The following NTRK3 variants were observed in gnomAD, a reference collection of about 807,000 sequenced individuals.
The protein encoded by NTRK3 is neurotrophic receptor tyrosine kinase 3.
In NTRK3, 24 loss-of-function variants were observed where a neutral mutation model predicts 91.7. That is an observed-to-expected ratio of 0.26 (90% CI 0.19 to 0.37). The LOEUF (loss-of-function observed/expected upper bound fraction) is 0.37, where lower values mean the gene tolerates loss of function less well. NTRK3 is among the 10% of genes least tolerant of loss of function. NTRK3 has a pLI of 1.00. For synonymous variants in NTRK3, 483 were observed against 404.0 expected (o/e 1.20, Z -2.34); for missense variants, 880 against 1,068.9 (o/e 0.82, Z 2.46).
At chr15:87,921,706 G>A (rs1377120133) in intron 17 of NTRK3, among the ~76,000 whole-genome samples, 1 of 152,026 alleles carries the variant, frequency 6.6e-6, no homozygotes. Flanking sequence ...TGATTTTGGG[G>A]ACTGCGCATG....
intron 5 of NTRK3, among the ~76,000 whole-genome samples, chr15:88,165,670 T>A (rs2044864929): frequency 6.6e-6 from 1 of 152,174 alleles, no homozygotes; most frequent in Non-Finnish European, 1.5e-5. Context: ...CCAACAACAT[T>A]TTATGGTCTG....
At chr15:88,110,932 G>A (rs924983565) in intron 13 of NTRK3, among the ~76,000 whole-genome samples, 32 of 152,206 alleles carry the variant, frequency 2.1e-4, no homozygotes, top group African/African-American at 7.7e-4. Flanking sequence ...CAGATGGAAT[G>A]GTGGGGTGGC....
intron 3 of NTRK3, among the ~76,000 whole-genome samples, chr15:88,201,998 G>C (rs755564707): frequency 1.3e-5 from 2 of 150,056 alleles, no homozygotes; most frequent in Non-Finnish European, 2.9e-5. Flanking sequence ...CTTCCAACAG[G>C]TCTGGATTCC....
In NTRK3 at chr15:88,240,208, G is replaced by A. The variant is rs946487244; in HGVS notation, c.248+15698C>T. ...CTTTCCCATCCCGTCCCCAGCCACC[G>A]CCATAGAAACATCACAAGTCAGAGC... On this transcript the variant is annotated intron_variant, in intron 3 of 18. Coordinates refer to ENST00000394480, the Ensembl canonical transcript of NTRK3. The surrounding 1 kb of genome is among the most constrained non-coding windows in gnomAD (Gnocchi z 4.9). 2.8e-5 allele frequency among the ~76,000 whole-genome samples: 4 copies of A among 143,756 alleles called. No homozygotes were observed. The highest frequency in any genetic ancestry group is 1.0e-4 in the African/African-American group (4 of 38,112). 94.3% of individuals were successfully genotyped at this position (143,756 alleles called of 152,430 possible). A position where few individuals can be genotyped will look rare whatever the true frequency, so the allele number is the denominator to read the frequency against.
intron 14 of NTRK3, among the ~76,000 whole-genome samples, chr15:88,027,543 C>T (rs868547736): frequency 1.3e-5 from 2 of 152,084 alleles, no homozygotes; most frequent in Non-Finnish European, 2.9e-5. Flanking sequence ...CCACCATGCC[C>T]GGCTAATTTT....
chr15:88,139,736 A>C (rs2042204262), intron 6 of NTRK3, among the ~76,000 whole-genome samples: 1 of 152,132 alleles, frequency 6.6e-6, no homozygotes, highest in Non-Finnish European at 1.5e-5. Flanking sequence ...CACATGTGCA[A>C]GGTCTTTGGC....
intron 14 of NTRK3, among the ~76,000 whole-genome samples, chr15:87,942,527 T>C (rs1361787760): frequency 1.9e-4 from 29 of 152,056 alleles, no homozygotes; most frequent in Admixed American, 1.7e-3. Flanking sequence ...GGATGACACA[T>C]AGGTTCTGCA....
chr15:87,966,573 G>A (rs1199758981), intron 14 of NTRK3, among the ~76,000 whole-genome samples: 1 of 152,160 alleles, frequency 6.6e-6, no homozygotes, highest in Non-Finnish European at 1.5e-5. Context: ...TGTTCCCACT[G>A]CCCCCACACA....
chr15:87,875,798 TG>T, exon 19 of NTRK3: 1 of 232,602 alleles, frequency 4.3e-6, no homozygotes, highest in Non-Finnish European at 8.5e-6. Context: ...GGGGTTTACC[TG>T]GGACTCAGTA....
intron 14 of NTRK3, among the ~76,000 whole-genome samples, chr15:87,995,906 G>A (rs2075658951): frequency 6.6e-6 from 1 of 152,300 alleles, no homozygotes; most frequent in South Asian, 2.1e-4. Flanking sequence ...ATTTTCACGT[G>A]TTACAAAAGA....
At chr15:88,242,987 C>A (rs982597292) in intron 3 of NTRK3, among the ~76,000 whole-genome samples, 3 of 152,204 alleles carry the variant, frequency 2.0e-5, no homozygotes, top group African/African-American at 7.2e-5. Flanking sequence ...GCCAGAAGTC[C>A]CCATAGGCCA....
intron 3 of NTRK3, among the ~76,000 whole-genome samples, chr15:88,214,770 C>T (rs977111523): frequency 1.3e-5 from 2 of 152,064 alleles, no homozygotes; most frequent in African/African-American, 2.4e-5. Flanking sequence ...CCTTCCCATA[C>T]GAGCCCAGCT....
intron 13 of NTRK3, among the ~76,000 whole-genome samples, chr15:88,101,631 T>C (rs1485078549): frequency 6.6e-6 from 1 of 152,182 alleles, no homozygotes; most frequent in East Asian, 1.9e-4. Flanking sequence ...TGTCCAACAA[T>C]GATAGACTGG....
chr15:87,978,264 G>C, intron 14 of NTRK3: 1 of 231,088 alleles, frequency 4.3e-6, no homozygotes, highest in Non-Finnish European at 8.6e-6. Flanking sequence ...TAAGGCATGA[G>C]TCAAAGCAAG....
At chr15:87,986,671 C>T (rs753199272) in intron 14 of NTRK3, among the ~76,000 whole-genome samples, 2 of 152,222 alleles carry the variant, frequency 1.3e-5, no homozygotes, top group South Asian at 2.1e-4. Flanking sequence ...AAATTATCTG[C>T]CTATTCTGCC....
At chr15:88,087,425 G>C (rs1001659949) in intron 13 of NTRK3, among the ~76,000 whole-genome samples, 1 of 152,174 alleles carries the variant, frequency 6.6e-6, no homozygotes, top group Non-Finnish European at 1.5e-5. Context: ...CTTGCTAGAG[G>C]AACCATCCCA....
chr15:88,219,139 C>T (rs2050038286), intron 3 of NTRK3, among the ~76,000 whole-genome samples: 1 of 152,262 alleles, frequency 6.6e-6, no homozygotes, highest in Non-Finnish European at 1.5e-5. Flanking sequence ...CCTACATGTG[C>T]AGGATGGCAC....
In NTRK3 at chr15:88,197,819, A is replaced by C. The variant is rs529988901; in HGVS notation, c.249-13520T>G. On this transcript the variant is annotated intron_variant, in intron 3 of 18. Coordinates refer to ENST00000394480, the Ensembl canonical transcript of NTRK3. ...CTACAGAGAAATCCACCTGCCAGGC[A>C]TCATCATGCCGTCTCCCCTCTGGTT... Among the ~76,000 whole-genome samples, 25 of 152,328 alleles carry C rather than the reference A, an allele frequency of 1.6e-4. No individual in the cohort carries two copies. The South Asian group carries it at 5.0e-3, about 30-fold the overall frequency.
At chr15:88,001,025 C>G (rs137888221) in intron 14 of NTRK3, among the ~76,000 whole-genome samples, 1 of 152,160 alleles carries the variant, frequency 6.6e-6, no homozygotes, top group Admixed American at 6.5e-5. Context: ...TACTGTCCAA[C>G]ATTTTTTATT....
Sources: allele counts gnomAD v4.1 joint callset (sites outside exome capture counted in the v4.1 genomes callset), GRCh38; gene constraint gnomAD v4.1.1; non-coding constraint Gnocchi (gnomAD v3.1); transcripts MANE v1.5; gene names NCBI Gene and HGNC (gene_info 2026-07-23, HGNC 2026-07-21).